The following RPTOR variants were observed in gnomAD, a reference collection of about 807,000 sequenced individuals.
RPTOR encodes regulatory associated protein of MTOR complex 1, also known as regulatory-associated protein of mTOR.
RPTOR carries 21 observed loss-of-function variants against 169.9 expected under a neutral mutation model. That is an observed-to-expected ratio of 0.12 (90% CI 0.09 to 0.18). The LOEUF (loss-of-function observed/expected upper bound fraction) is 0.18. Among genes scored for constraint, RPTOR ranks in the 10% least tolerant of loss-of-function variants. RPTOR has a pLI of 1.00. For synonymous variants in RPTOR, 732 were observed against 753.2 expected, an observed-to-expected ratio of 0.97 and a Z score of 0.46; for missense variants, 1,133 against 1,855.9, an observed-to-expected ratio of 0.61 and a Z score of 7.16.
intron 6 of RPTOR, among the ~76,000 whole-genome samples, chr17:80,759,423 A>T (rs1322352475): frequency 6.6e-6 from 1 of 152,256 alleles, no homozygotes; most frequent in East Asian, 1.9e-4. Context: ...TTACCATAAG[A>T]GGGACTTTGA....
chr17:80,909,080 A>G (rs1266374139), intron 21 of RPTOR, 151 bp downstream of exon 21: 8 of 670,642 alleles, frequency 1.2e-5, no homozygotes, highest in Middle Eastern at 4.2e-4. Context: ...GGAGATGTAC[A>G]CAGTACACCC....
rs866366229 is a variant in RPTOR at position 80,844,245 on chromosome 17, C to G, written c.1213-2228C>G. ...CTCCCCGTGGCTTTAGGGAGCTTCA[C>G]GGGCTTCACCGCGCACCTGCCAGGC... On this transcript the variant is annotated intron_variant, in intron 10 of 33. Transcript: ENST00000306801. This position sits in a 1 kb window ranked among gnomAD's most constrained non-coding sequence, Gnocchi z 4.7. Among the ~76,000 whole-genome samples the G allele has an allele frequency of 6.6e-6, 1 of 152,206 alleles. No homozygotes were observed. The highest frequency in any genetic ancestry group is 2.4e-5 in the African/African-American group (1 of 41,444).
intron 1 of RPTOR, among the ~76,000 whole-genome samples, chr17:80,590,804 A>T (rs951742618): frequency 1.3e-5 from 2 of 152,196 alleles, no homozygotes; most frequent in South Asian, 4.1e-4. Context: ...TTTTAACACC[A>T]AGGTCATGCT....
chr17:80,774,279 C>T (rs1248764552), intron 6 of RPTOR: 8 of 985,236 alleles, frequency 8.1e-6, no homozygotes, highest in African/African-American at 1.7e-5. Context: ...ACAGACGGCG[C>T]GGGAGCTGCA....
chr17:80,565,888 A>G (rs35108655), intron 1 of RPTOR, among the ~76,000 whole-genome samples: 69,036 of 152,226 alleles, frequency 0.45, 15,913 homozygotes, highest in Middle Eastern at 0.52. Flanking sequence ...CAGGAGCTGC[A>G]TCTAGCGCTG....
Position 80,746,838 on chromosome 17 carries a change from G to GTT in RPTOR, c.655-7162_655-7161dup, listed in dbSNP as rs57747698. ...AGGAAATAACTCATCTGTTGAAATA[G>GTT]TTTTTTTTTTTCCCTTGGGTTAGCA... On this transcript the variant is annotated intron_variant, in intron 5 of 33. Coordinates refer to ENST00000306801, the MANE Select transcript of RPTOR (RefSeq NM_020761.3). The surrounding 1 kb of genome is among the most constrained non-coding windows in gnomAD (Gnocchi z 4.5). 2.4e-4 allele frequency among the ~76,000 whole-genome samples: 36 copies of GTT among 147,892 alleles called. No individual in the cohort carries two copies. The highest frequency in any genetic ancestry group is 4.2e-4 in the Non-Finnish European group (28 of 66,856).
At chr17:80,875,617 C>G (rs1258034058) in intron 13 of RPTOR, among the ~76,000 whole-genome samples, 2 of 152,234 alleles carry the variant, frequency 1.3e-5, no homozygotes, top group African/African-American at 4.8e-5. Context: ...TTGGCAGATT[C>G]ACGCTGCCGG....
chr17:80,581,852 C>T (rs973296406), intron 1 of RPTOR, among the ~76,000 whole-genome samples: 11 of 152,244 alleles, frequency 7.2e-5, no homozygotes, highest in African/African-American at 2.4e-4. Flanking sequence ...TTTTGAGCTG[C>T]ATTCACAGAG....
intron 20 of RPTOR, among the ~76,000 whole-genome samples, chr17:80,906,011 A>G (rs929036937): frequency 6.6e-6 from 1 of 151,988 alleles, no homozygotes; most frequent in African/African-American, 2.4e-5. Context: ...GGAGCCCAGG[A>G]CCCCAGAATA....
At chr17:80,626,030 A>G (rs769637663) in intron 2 of RPTOR, among the ~76,000 whole-genome samples, 1 of 152,054 alleles carries the variant, frequency 6.6e-6, no homozygotes, top group Non-Finnish European at 1.5e-5. Flanking sequence ...TGGCTTATAT[A>G]ATTTTCTACT....
At chr17:80,709,593 C>A (rs115168906) in intron 4 of RPTOR, among the ~76,000 whole-genome samples, 1,741 of 152,372 alleles carry the variant, frequency 0.011, 35 homozygotes, top group African/African-American at 0.04. Flanking sequence ...GGGACCCCGC[C>A]CTTCTCAGTG....
intron 1 of RPTOR, among the ~76,000 whole-genome samples, chr17:80,589,944 TG>T (rs1321797305): frequency 3.9e-5 from 6 of 152,234 alleles, no homozygotes; most frequent in Non-Finnish European, 8.8e-5. Context: ...TGAATAAATG[TG>T]GGGGCATCCT....
chr17:80,775,529 G>C (rs2066884748), intron 6 of RPTOR, among the ~76,000 whole-genome samples: 1 of 152,334 alleles, frequency 6.6e-6, no homozygotes. Context: ...CAAGGAGGCA[G>C]AGCCAGCCCT....
At chr17:80,635,090 C>T (rs1027414115) in intron 2 of RPTOR, among the ~76,000 whole-genome samples, 1 of 152,154 alleles carries the variant, frequency 6.6e-6, no homozygotes, top group African/African-American at 2.4e-5. Flanking sequence ...TATCCTTTGT[C>T]CTTATTGTAT....
At chr17:80,865,928 G>A (rs964807232) in intron 13 of RPTOR, among the ~76,000 whole-genome samples, 13 of 152,156 alleles carry the variant, frequency 8.5e-5, no homozygotes, top group Non-Finnish European at 1.5e-4. Context: ...CCTTACAGGC[G>A]TGTTCTACAG....
At chr17:80,953,332 C>A (rs1159401365) in intron 28 of RPTOR, among the ~76,000 whole-genome samples, 3 of 152,228 alleles carry the variant, frequency 2.0e-5, no homozygotes, top group African/African-American at 7.2e-5. Flanking sequence ...TGCAGTGGCA[C>A]CATCACGGCT....
chr17:80,851,752 C>T (rs555003234), intron 11 of RPTOR, among the ~76,000 whole-genome samples: 3 of 152,358 alleles, frequency 2.0e-5, no homozygotes, highest in Admixed American at 2.0e-4. Flanking sequence ...TTGTAAGGAG[C>T]ACATTCTAAG....
intron 5 of RPTOR, among the ~76,000 whole-genome samples, chr17:80,731,173 G>A (rs968184206): frequency 1.3e-4 from 20 of 152,100 alleles, no homozygotes; most frequent in Non-Finnish European, 2.2e-4. Context: ...CACTGAGCCC[G>A]GCCCAGTACA....
chr17:80,625,102 G>T (rs2143530580), intron 1 of RPTOR, among the ~76,000 whole-genome samples: 1 of 152,308 alleles, frequency 6.6e-6, no homozygotes, highest in East Asian at 1.9e-4. Context: ...TTTGAGGGCC[G>T]AGAGGTGAGT....
Sources: allele counts gnomAD v4.1 joint callset (sites outside exome capture counted in the v4.1 genomes callset), GRCh38; gene constraint gnomAD v4.1.1; non-coding constraint Gnocchi (gnomAD v3.1); transcripts MANE v1.5; gene names NCBI Gene and HGNC (gene_info 2026-07-23, HGNC 2026-07-21).